The following SORCS3 variants were observed in gnomAD, a reference collection of about 807,000 sequenced individuals.
SORCS3 encodes sortilin related VPS10 domain containing receptor 3.
A neutral mutation model predicts 146.3 loss-of-function variants in SORCS3; 57 were observed. The observed-to-expected ratio is 0.39, with a 90% CI of 0.31 to 0.49. SORCS3 has a LOEUF of 0.49. SORCS3 is among the 20% of genes least tolerant of loss of function. SORCS3 has a pLI of 0.92. For missense variants in SORCS3, 1,341 were observed against 1,575.5 expected (o/e 0.85, Z 2.52); for synonymous variants, 653 against 618.5 (o/e 1.06, Z -0.83).
At chr10:105,200,183 C>G in intron 15 of SORCS3, 67 bp downstream of exon 15, 1 of 1,201,752 alleles carries the variant, frequency 8.3e-7, no homozygotes, top group Non-Finnish European at 1.2e-6. Context: ...CCGACTGGGT[C>G]TTATCTGAGC....
In SORCS3 at chr10:104,887,967, C is replaced by A. The variant is rs79901978; in HGVS notation, c.696-27866C>A. On this transcript the variant is annotated intron_variant, in intron 2 of 26. Transcript: ENST00000369701. The stretch of plus-strand genomic sequence containing the variant: ...CAGCAACATGGTGGGGGCGGGGGGG[C>A]GGGGGCGGAGCAAGCCCATGAAGAC... Among the ~76,000 whole-genome samples, 28 of 33,712 alleles carry A rather than the reference C, an allele frequency of 8.3e-4. 5 individuals carry two copies. The highest frequency in any genetic ancestry group is 1.4e-3 in the African/African-American group (20 of 14,346). 22.1% of individuals were successfully genotyped at this position (33,712 alleles called of 152,430 possible).
At chr10:105,191,591 C>G (rs1314952862) in intron 14 of SORCS3, among the ~76,000 whole-genome samples, 2 of 152,156 alleles carry the variant, frequency 1.3e-5, no homozygotes, top group Non-Finnish European at 2.9e-5. Flanking sequence ...TGATTTAAAG[C>G]AGCAGTCCCC....
chr10:105,000,674 A>G (rs1365138176), intron 4 of SORCS3, among the ~76,000 whole-genome samples: 1 of 152,142 alleles, frequency 6.6e-6, no homozygotes, highest in Non-Finnish European at 1.5e-5. Flanking sequence ...CTATGCTACC[A>G]CCAACCCCTG....
intron 1 of SORCS3, among the ~76,000 whole-genome samples, chr10:104,690,288 C>T (rs1244447953): frequency 6.6e-6 from 1 of 152,202 alleles, no homozygotes. Flanking sequence ...TTTGACGGGT[C>T]AGTCCTCAGT....
chr10:104,952,230 G>C (rs1231773650), intron 3 of SORCS3, among the ~76,000 whole-genome samples: 1 of 117,776 alleles, frequency 8.5e-6, no homozygotes, highest in African/African-American at 3.3e-5. Context: ...CACTCTCCAG[G>C]TGATTCTGGT....
intron 4 of SORCS3, among the ~76,000 whole-genome samples, chr10:105,011,114 A>G (rs2055133752): frequency 6.6e-6 from 1 of 152,172 alleles, no homozygotes; most frequent in Non-Finnish European, 1.5e-5. Context: ...GTTGTTCTTT[A>G]GATAGGAAAC....
At position 104,682,279 on chromosome 10, in the gene SORCS3, G is replaced by T. The variant is rs185591024; in HGVS notation, c.627+40325G>T. On this transcript the variant is annotated intron_variant, in intron 1 of 26. Transcript: ENST00000369701. ...ACCTGGCACACCTGGCCCAAAGTAGGTGTCTAATAGTTGGTGAATGAATGA... is the reference window on the plus strand; with the variant it reads ...ACCTGGCACACCTGGCCCAAAGTAGTTGTCTAATAGTTGGTGAATGAATGA... Among the ~76,000 whole-genome samples the T allele has an allele frequency of 3.6e-4, 55 of 152,334 alleles. 1 individual carries two copies. In the East Asian group the frequency reaches 7.1e-3, roughly 20 times the overall value.
intron 4 of SORCS3, among the ~76,000 whole-genome samples, chr10:104,994,816 G>A (rs1479042281): frequency 3.3e-5 from 5 of 152,074 alleles, no homozygotes; most frequent in Non-Finnish European, 5.9e-5. Context: ...AATATTATGT[G>A]GACATAGCAC....
intron 5 of SORCS3, among the ~76,000 whole-genome samples, chr10:105,087,407 G>A (rs1379326238): frequency 6.7e-6 from 1 of 149,782 alleles, no homozygotes; most frequent in Non-Finnish European, 1.5e-5. Flanking sequence ...AGAACTTAAA[G>A]TAAAAATTCT....
At position 105,105,467 on chromosome 10, in the gene SORCS3, C is replaced by T; in HGVS notation, c.1164C>T (p.Ser388=). ...CTAGAAGTGGGCCTTTTGCCCGCTC[C>T]ATTGACATCAGTTCCCTGGTTGTCC... is the stretch of plus-strand genomic sequence containing the variant. ...ETTRSGPFAR[S]IDISSLVVQD... Residue 388 remains serine, a synonymous_variant, in exon 7 of 27, where the codon TCC becomes TCT. Transcript: ENST00000369701. 1.9e-6 allele frequency: 3 copies of T among 1,613,684 alleles called. No individual in the cohort carries two copies. The highest frequency in any genetic ancestry group is 2.5e-6 in the Non-Finnish European group (3 of 1,179,644).
At chr10:105,195,845 G>A (rs1184922955) in intron 14 of SORCS3, among the ~76,000 whole-genome samples, 4 of 152,164 alleles carry the variant, frequency 2.6e-5, no homozygotes, top group Non-Finnish European at 5.9e-5. Flanking sequence ...TCCTACCAGT[G>A]TTTAAGTGAT....
At chr10:104,705,841 G>T (rs1235642342) in intron 1 of SORCS3, among the ~76,000 whole-genome samples, 1 of 152,188 alleles carries the variant, frequency 6.6e-6, no homozygotes, top group Non-Finnish European at 1.5e-5. Flanking sequence ...AAATAAATGT[G>T]AGAATGATCC....
chr10:104,772,125 C>G (rs185583640), intron 1 of SORCS3, among the ~76,000 whole-genome samples: 75 of 152,246 alleles, frequency 4.9e-4, no homozygotes, highest in Non-Finnish European at 9.7e-4. Context: ...GACGGGAACA[C>G]TCCCTGCCTG....
chr10:105,005,421 A>G (rs914919599), intron 4 of SORCS3, among the ~76,000 whole-genome samples: 2 of 152,240 alleles, frequency 1.3e-5, no homozygotes, highest in Admixed American at 6.5e-5. Context: ...GGGTGATATA[A>G]GATAAAGGGA....
intron 1 of SORCS3, among the ~76,000 whole-genome samples, chr10:104,747,959 G>A (rs1013873115): frequency 1.3e-5 from 2 of 152,244 alleles, no homozygotes; most frequent in Non-Finnish European, 2.9e-5. Flanking sequence ...TCATCTTTAA[G>A]TGGGAATAAT....
intron 3 of SORCS3, among the ~76,000 whole-genome samples, chr10:104,930,606 G>C (rs568391517): frequency 3.9e-4 from 60 of 152,306 alleles, no homozygotes; most frequent in African/African-American, 1.4e-3. Flanking sequence ...GCAGTAAATA[G>C]CCTTTGGAAA....
At chr10:105,070,158 T>A (rs17118220) in intron 5 of SORCS3, among the ~76,000 whole-genome samples, 26,386 of 152,244 alleles carry the variant, frequency 0.17, 2,476 homozygotes, top group Middle Eastern at 0.22. Context: ...TCCCGAGTTC[T>A]GCTCCATTTA....
rs576694590 is a variant in SORCS3, at chr10:104,725,523, G to A, written c.627+83569G>A. ...AAAGCTGTCAGACAGGGACATTTAAGTCTGCAGAGGTTTCTGCTGCCTTTT... is the reference window on the plus strand; with the variant it reads ...AAAGCTGTCAGACAGGGACATTTAAATCTGCAGAGGTTTCTGCTGCCTTTT... On this transcript the variant is annotated intron_variant, in intron 1 of 26. Transcript: ENST00000369701. Among the ~76,000 whole-genome samples the A allele has an allele frequency of 7.2e-5, 11 of 152,352 alleles. No homozygotes were observed. The East Asian group carries it at 2.1e-3, about 29-fold the overall frequency.
At chr10:104,761,796 C>T (rs958730639) in intron 1 of SORCS3, among the ~76,000 whole-genome samples, 2 of 152,070 alleles carry the variant, frequency 1.3e-5, no homozygotes, top group African/African-American at 2.4e-5. Flanking sequence ...GCCTGTAAAG[C>T]GTTGACATGA....
Sources: gnomAD v4.1 joint callset for allele counts (sites outside exome capture counted in the v4.1 genomes callset) on GRCh38, gnomAD v4.1.1 for gene constraint, MANE v1.5 for transcripts, NCBI Gene and HGNC (gene_info 2026-07-23, HGNC 2026-07-21) for gene names.